PCDHGA6: variants seen among roughly 807,000 people sequenced by gnomAD.
PCDHGA6 encodes protocadherin gamma-A6.
PCDHGA6 carries 41 observed loss-of-function variants against 60.6 expected under a neutral mutation model. The ratio of observed to expected loss-of-function variants is 0.68; its 90% CI spans 0.53 to 0.88. The LOEUF (loss-of-function observed/expected upper bound fraction) is 0.88. PCDHGA6 is among the 40% of genes least tolerant of loss of function. The probability of loss-of-function intolerance (pLI) is 0.00; values close to 1 mark genes in which losing one functional copy is unlikely to be tolerated. For missense variants in PCDHGA6, 1,312 were observed against 1,203.0 expected, an observed-to-expected ratio of 1.09 and a Z score of -1.34; for synonymous variants, 594 against 524.4, an observed-to-expected ratio of 1.13 and a Z score of -1.81.
intron 1 of PCDHGA6, among the ~76,000 whole-genome samples, chr5:141,494,157 G>A (rs929922206): frequency 5.9e-5 from 9 of 152,312 alleles, no homozygotes; most frequent in African/African-American, 1.7e-4. Context: ...TGTCTGGCAC[G>A]GAGTTCTAGG....
intron 1 of PCDHGA6, among the ~76,000 whole-genome samples, chr5:141,443,016 G>T (rs1325670377): frequency 6.6e-6 from 1 of 152,204 alleles, no homozygotes; most frequent in East Asian, 1.9e-4. Context: ...TATGACTAAT[G>T]GAAGTTGCCA....
intron 1 of PCDHGA6, among the ~76,000 whole-genome samples, chr5:141,457,124 ACT>A (rs1304231701): frequency 6.6e-6 from 1 of 152,158 alleles, no homozygotes; most frequent in Non-Finnish European, 1.5e-5. Context: ...AGCAATGGAA[ACT>A]CTGTCCAATA....
intron 1 of PCDHGA6, among the ~76,000 whole-genome samples, chr5:141,380,556 A>G (rs560395127): frequency 1.3e-5 from 2 of 152,362 alleles, no homozygotes; most frequent in South Asian, 2.1e-4. Flanking sequence ...CTTATGTTAG[A>G]TTTTATTAAA....
At chr5:141,388,390 A>C (rs202036029) in intron 1 of PCDHGA6, 182 of 1,613,912 alleles carry the variant, frequency 1.1e-4, no homozygotes, top group Non-Finnish European at 1.4e-4. Context: ...ACACTGCAGA[A>C]TTACCAACTC....
At chr5:141,499,570 A>C (rs1027373056) in intron 2 of PCDHGA6, among the ~76,000 whole-genome samples, 2 of 152,200 alleles carry the variant, frequency 1.3e-5, no homozygotes, top group Non-Finnish European at 2.9e-5. Flanking sequence ...TCCAGCTTCA[A>C]CTAATGCCTT....
chr5:141,409,303 C>G, intron 1 of PCDHGA6: 3 of 1,613,922 alleles, frequency 1.9e-6, no homozygotes, highest in South Asian at 2.2e-5. Flanking sequence ...TGGTTGTTGC[C>G]CTCTTCAAAA....
intron 1 of PCDHGA6, chr5:141,395,898 GC>G (rs1337402820): frequency 6.6e-6 from 1 of 151,994 alleles, no homozygotes; most frequent in Non-Finnish European, 1.5e-5. Context: ...TGGGCTCCAT[GC>G]CCATGGAGAC....
At chr5:141,427,946 T>A (rs769401863) in intron 1 of PCDHGA6, 1 of 1,586,550 alleles carries the variant, frequency 6.3e-7, no homozygotes, top group Middle Eastern at 1.7e-4. Flanking sequence ...GCGACCTCAA[T>A]GACAATGTGC....
At chr5:141,420,353 G>C (rs1281948860) in intron 1 of PCDHGA6, 1 of 1,382,260 alleles carries the variant, frequency 7.2e-7, no homozygotes, top group African/African-American at 1.5e-5. Context: ...ATTATTTTAA[G>C]ATTCTAGATA....
chr5:141,400,129 C>T (rs530393607), intron 1 of PCDHGA6: 1 of 1,614,104 alleles, frequency 6.2e-7, no homozygotes, highest in Admixed American at 1.7e-5. Flanking sequence ...GCAGGAGGTG[C>T]TGCCGGATAT....
chr5:141,376,151 A>T lies in PCDHGA6; in HGVS notation c.2068A>T (p.Thr690Ser). ...PSAKPNDSDLTLYLVVAVAAV... is the reference protein window; with the variant it reads ...PSAKPNDSDLSLYLVVAVAAV... ...CGCCAAACCCAACGATTCGGACCTC[A>T]CTCTGTACCTGGTGGTGGCGGTGGC... The change falls in exon 1 of 4, where the codon ACT (threonine) becomes TCT (serine). Residue 690 changes from threonine (T) to serine (S), a missense_variant. Physicochemically the swap from Thr to Ser is moderately conservative, Grantham distance 58. Coordinates refer to ENST00000517434, the MANE Select transcript of PCDHGA6 (RefSeq NM_018919.3). The T allele has an allele frequency of 1.9e-6, 3 of 1,612,748 alleles. No individual in the cohort carries two copies. In the South Asian group the frequency reaches 3.3e-5, roughly 18 times the overall value.
intron 1 of PCDHGA6, chr5:141,423,228 C>T (rs1321708353): frequency 6.2e-7 from 1 of 1,613,748 alleles, no homozygotes; most frequent in Non-Finnish European, 8.5e-7. Flanking sequence ...CTGTGGCCGA[C>T]AGCATCCCCG....
In PCDHGA6 at chr5:141,491,607, T is replaced by G; in HGVS notation, c.2425-3200T>G. On this transcript the variant is annotated intron_variant, in intron 1 of 3. Coordinates refer to ENST00000517434, the MANE Select transcript of PCDHGA6 (RefSeq NM_018919.3). The surrounding 1 kb of genome is among the most constrained non-coding windows in gnomAD (Gnocchi z 6.9). ...CCTCGGACGGCAGTGACTTCACTTT[T>G]CTAAGACCCCTCAGCGTTCAGCAGC... 6.2e-7 allele frequency: 1 copy of G among 1,613,932 alleles called. No homozygotes were observed. The highest frequency in any genetic ancestry group is 1.1e-5 in the South Asian group (1 of 91,084).
chr5:141,476,523 C>G lies in PCDHGA6; in HGVS notation c.2425-18284C>G. On this transcript the variant is annotated intron_variant, in intron 1 of 3. Transcript: ENST00000517434. This position sits in a 1 kb window ranked among gnomAD's most constrained non-coding sequence, Gnocchi z 7.6. ...ATCAACGACAACAATCCTGCTTTCC[C>G]TACCCAGGAAATGAAATTGGAGATT... is the stretch of plus-strand genomic sequence containing the variant. 1 of 1,614,218 alleles carries G rather than the reference C, an allele frequency of 6.2e-7. No individual in the cohort carries two copies.
At chr5:141,409,437 G>A in intron 1 of PCDHGA6, 1 of 1,613,968 alleles carries the variant, frequency 6.2e-7, no homozygotes, top group Non-Finnish European at 8.5e-7. Context: ...GCCCTGGACC[G>A]AGAGCAGACA....
In PCDHGA6 at chr5:141,431,770, T is replaced by G. The variant is rs748816389; in HGVS notation, c.2424+55263T>G. The G allele has an allele frequency of 3.7e-6, 6 of 1,614,204 alleles. No homozygotes were observed. In the South Asian group the frequency reaches 6.6e-5, roughly 18 times the overall value. ...CGCGAGCCAAAGTCCTGATCACTGT[T>G]CTGGACGTGAACGACAATGCCCCAG... On this transcript the variant is annotated intron_variant, in intron 1 of 3. Coordinates refer to ENST00000517434, the MANE Select transcript of PCDHGA6 (RefSeq NM_018919.3). The surrounding 1 kb of genome is among the most constrained non-coding windows in gnomAD (Gnocchi z 4.8).
At chr5:141,382,782 G>A (rs1294010280) in intron 1 of PCDHGA6, 22 of 844,882 alleles carry the variant, frequency 2.6e-5, no homozygotes, top group African/African-American at 1.2e-4. Flanking sequence ...CTAAACTCAA[G>A]CCTCTATCCT....
At chr5:141,404,912 C>T (rs761969782) in intron 1 of PCDHGA6, 31 of 1,613,946 alleles carry the variant, frequency 1.9e-5, no homozygotes, top group Non-Finnish European at 2.5e-5. Flanking sequence ...CCAGCCCCCT[C>T]TCTCGGCCAC....
Position 141,476,559 on chromosome 5 carries a change from T to C in PCDHGA6, c.2425-18248T>C. The stretch of plus-strand genomic sequence containing the variant: ...ATGAAATTGGAGATTAGCGAGGCCG[T>C]GGCTCCGGGGACGCGCTTTCCGCTC... On this transcript the variant is annotated intron_variant, in intron 1 of 3. Coordinates refer to ENST00000517434, the MANE Select transcript of PCDHGA6 (RefSeq NM_018919.3). This position sits in a 1 kb window ranked among gnomAD's most constrained non-coding sequence, Gnocchi z 7.6. 4 of 1,614,228 alleles carry C rather than the reference T, an allele frequency of 2.5e-6. No homozygotes were observed. Among genetic ancestry groups the C allele is most frequent in the Non-Finnish European group, 3.4e-6 (4 of 1,180,036 alleles).
Sources: allele counts gnomAD v4.1 joint callset (sites outside exome capture counted in the v4.1 genomes callset), GRCh38; gene constraint gnomAD v4.1.1; non-coding constraint Gnocchi (gnomAD v3.1); transcripts MANE v1.5; gene names NCBI Gene and HGNC (gene_info 2026-07-23, HGNC 2026-07-21).